Variants in LHFPL3 observed in about 807,000 individuals in gnomAD.
LHFPL3 encodes the protein LHFPL tetraspan subfamily member 3.
LHFPL3 carries 5 observed loss-of-function variants against 19.3 expected under a neutral mutation model. The observed-to-expected ratio is 0.26, with a 90% CI of 0.14 to 0.54. The LOEUF is 0.54. LHFPL3 is among the 20% of genes least tolerant of loss of function. LHFPL3 has a pLI of 0.94. For synonymous variants in LHFPL3, 133 were observed against 126.2 expected, an observed-to-expected ratio of 1.05 and a Z score of -0.36; for missense variants, 249 against 307.4, an observed-to-expected ratio of 0.81 and a Z score of 1.42.
intron 1 of LHFPL3, among the ~76,000 whole-genome samples, chr7:104,587,807 C>G (rs566026512): frequency 6.6e-6 from 1 of 152,042 alleles, no homozygotes; most frequent in African/African-American, 2.4e-5. Flanking sequence ...TTAATGATCG[C>G]CATTCTAACT....
intron 1 of LHFPL3, among the ~76,000 whole-genome samples, chr7:104,632,064 A>G (rs1038195847): frequency 2.6e-5 from 4 of 152,144 alleles, no homozygotes; most frequent in Admixed American, 2.0e-4. Flanking sequence ...TTCTTTCTCC[A>G]GTTCTTTATG....
Position 104,430,435 on chromosome 7 carries a change from T to TACAC in LHFPL3, c.445+101212_445+101213insCACA, listed in dbSNP as rs1215435746. Among the ~76,000 whole-genome samples the TACAC allele has an allele frequency of 1.1e-3, 16 of 14,230 alleles. 1 individual carries two copies. Among genetic ancestry groups the TACAC allele is most frequent in the African/African-American group, 4.9e-3 (15 of 3,044 alleles). 9.3% of individuals were successfully genotyped at this position (14,230 alleles called of 152,430 possible). A position where few individuals can be genotyped will look rare whatever the true frequency, so the allele number is the denominator to read the frequency against. ...ATATATATACATATATATATATATA[T>TACAC]ATATATATATATATATATATTTTTT... On this transcript the variant is annotated intron_variant, in intron 1 of 2. Coordinates refer to ENST00000424859, the MANE Select transcript of LHFPL3 (RefSeq NM_199000.3).
chr7:104,667,954 A>G, intron 1 of LHFPL3: 1 of 1,613,296 alleles, frequency 6.2e-7, no homozygotes, highest in Admixed American at 1.7e-5. Flanking sequence ...CCTCCAATTG[A>G]CCGTTCCATC....
chr7:104,420,216 A>G (rs1457555181), intron 1 of LHFPL3, among the ~76,000 whole-genome samples: 1 of 152,216 alleles, frequency 6.6e-6, no homozygotes, highest in East Asian at 1.9e-4. Flanking sequence ...TTTGCCACAC[A>G]GAAGGGAGAG....
intron 1 of LHFPL3, among the ~76,000 whole-genome samples, chr7:104,390,262 T>C (rs1040904407): frequency 6.6e-6 from 1 of 152,124 alleles, no homozygotes; most frequent in Non-Finnish European, 1.5e-5. Context: ...TATGTATACA[T>C]GTGGCATGTT....
intron 2 of LHFPL3, among the ~76,000 whole-genome samples, chr7:104,797,651 C>T (rs145752368): frequency 5.1e-4 from 77 of 151,758 alleles, no homozygotes; most frequent in East Asian, 4.4e-3. Flanking sequence ...TGGTGGCTCA[C>T]ACCTGTAATC....
chr7:104,845,523 C>G (rs1425782374), intron 2 of LHFPL3: 1 of 1,430,916 alleles, frequency 7.0e-7, no homozygotes, highest in Non-Finnish European at 9.3e-7. Flanking sequence ...CTGATTCCCG[C>G]TTTCAGCGCT....
chr7:104,574,631 A>C, intron 1 of LHFPL3, among the ~76,000 whole-genome samples: 1 of 152,310 alleles, frequency 6.6e-6, no homozygotes, highest in East Asian at 1.9e-4. Context: ...AGAATTGCAA[A>C]CATGGGTATT....
At chr7:104,705,961 C>T (rs184349831) in intron 1 of LHFPL3, among the ~76,000 whole-genome samples, 48 of 152,242 alleles carry the variant, frequency 3.2e-4, no homozygotes, top group Non-Finnish European at 5.9e-4. Flanking sequence ...CCCTAGTTCT[C>T]GTCCCTCTTC....
intron 1 of LHFPL3, among the ~76,000 whole-genome samples, chr7:104,430,728 A>G (rs913533976): frequency 6.6e-6 from 1 of 151,520 alleles, no homozygotes; most frequent in African/African-American, 2.4e-5. Context: ...TCGGCCTCCC[A>G]AAGTGCTGAG....
chr7:104,801,861 T>C (rs1345692923), intron 2 of LHFPL3, among the ~76,000 whole-genome samples: 1 of 152,176 alleles, frequency 6.6e-6, no homozygotes, highest in Non-Finnish European at 1.5e-5. Context: ...TCAGCCACCA[T>C]GCCCGGCCAA....
At chr7:104,901,523 G>C (rs994521843) in intron 2 of LHFPL3, among the ~76,000 whole-genome samples, 2 of 151,958 alleles carry the variant, frequency 1.3e-5, no homozygotes, top group Non-Finnish European at 2.9e-5. Context: ...CTGGGATTAG[G>C]GTGAGGCAAG....
intron 1 of LHFPL3, among the ~76,000 whole-genome samples, chr7:104,567,779 C>G (rs1186583190): frequency 3.3e-5 from 5 of 152,124 alleles, no homozygotes. Flanking sequence ...ATCCTTGCCT[C>G]CTTCAGTAAA....
At chr7:104,672,866 T>G (rs1792512482) in intron 1 of LHFPL3, among the ~76,000 whole-genome samples, 1 of 152,130 alleles carries the variant, frequency 6.6e-6, no homozygotes, top group Non-Finnish European at 1.5e-5. Flanking sequence ...GCCATGCTCT[T>G]GAAAGCAAAT....
chr7:104,444,128 G>T (rs1310238796), intron 1 of LHFPL3, among the ~76,000 whole-genome samples: 1 of 152,168 alleles, frequency 6.6e-6, no homozygotes, highest in East Asian at 1.9e-4. Context: ...TTCCTTCTCA[G>T]ATGTGGTTTA....
intron 1 of LHFPL3, among the ~76,000 whole-genome samples, chr7:104,510,491 G>T (rs1286984824): frequency 2.0e-5 from 3 of 152,064 alleles, no homozygotes; most frequent in Non-Finnish European, 2.9e-5. Flanking sequence ...ACATTCCTAG[G>T]CATAAAAATG....
intron 2 of LHFPL3, among the ~76,000 whole-genome samples, chr7:104,791,242 C>T (rs747080324): frequency 6.6e-6 from 1 of 152,098 alleles, no homozygotes; most frequent in Non-Finnish European, 1.5e-5. Flanking sequence ...TCTGATTGCT[C>T]ATAAAACAAA....
intron 1 of LHFPL3, among the ~76,000 whole-genome samples, chr7:104,723,183 C>A (rs1158643552): frequency 2.0e-5 from 3 of 152,144 alleles, no homozygotes; most frequent in Non-Finnish European, 4.4e-5. Flanking sequence ...GAACCACTAG[C>A]CATTTGTGTA....
intron 2 of LHFPL3, among the ~76,000 whole-genome samples, chr7:104,813,704 C>T (rs954714146): frequency 6.6e-6 from 1 of 152,226 alleles, no homozygotes; most frequent in Non-Finnish European, 1.5e-5. Flanking sequence ...TTCTATGAGG[C>T]TGTGGCCAGA....
Sources: gnomAD v4.1 joint callset for allele counts (sites outside exome capture counted in the v4.1 genomes callset) on GRCh38, gnomAD v4.1.1 for gene constraint, MANE v1.5 for transcripts, NCBI Gene and HGNC (gene_info 2026-07-23, HGNC 2026-07-21) for gene names.